The following QTMAN variants were observed in gnomAD, a reference collection of about 807,000 sequenced individuals.
The protein encoded by QTMAN is queuosine-tRNA mannosyltransferase.
chr2:144,216,487 G>A, the QTMAN span, among the ~76,000 whole-genome samples: 62 of 152,222 alleles, frequency 4.1e-4, no homozygotes, highest in African/African-American at 1.4e-3. Context: ...CTTAACACAG[G>A]TTCTCAGCAA....
the QTMAN span, chr2:143,939,039 G>A: frequency 6.6e-6 from 1 of 152,202 alleles, no homozygotes; most frequent in African/African-American, 2.4e-5. Flanking sequence ...AATCACATAA[G>A]CTTTACATCC....
At chr2:143,996,837 A>G in the QTMAN span, among the ~76,000 whole-genome samples, 3 of 152,236 alleles carry the variant, frequency 2.0e-5, no homozygotes, top group East Asian at 1.9e-4. Context: ...AGAGTTGCAC[A>G]TTTCTTTTGG....
chr2:143,980,213 T>C, the QTMAN span, among the ~76,000 whole-genome samples: 1 of 151,768 alleles, frequency 6.6e-6, no homozygotes, highest in Non-Finnish European at 1.5e-5. Flanking sequence ...CAGGCCCCAG[T>C]GTGTGTTGTT....
chr2:144,196,774 A>G, the QTMAN span, among the ~76,000 whole-genome samples: 1 of 152,208 alleles, frequency 6.6e-6, no homozygotes, highest in African/African-American at 2.4e-5. Flanking sequence ...TCTGAACTAT[A>G]TATCAAGTAT....
the QTMAN span, chr2:144,208,461 T>G: frequency 1.5e-6 from 1 of 683,432 alleles, no homozygotes; most frequent in South Asian, 2.0e-5. Flanking sequence ...ACTGCTCTGC[T>G]CTCTCTAAAG....
the QTMAN span, among the ~76,000 whole-genome samples, chr2:143,994,710 A>C: frequency 6.6e-6 from 1 of 152,338 alleles, no homozygotes; most frequent in Non-Finnish European, 1.5e-5. Context: ...GAAAGCAAGT[A>C]GATTAGTGGT....
chr2:144,103,705 T>G, the QTMAN span, among the ~76,000 whole-genome samples: 1 of 152,134 alleles, frequency 6.6e-6, no homozygotes, highest in African/African-American at 2.4e-5. Flanking sequence ...GTAGAAACAA[T>G]TTAGAAATGG....
At chr2:143,965,499 G>A in the QTMAN span, among the ~76,000 whole-genome samples, 1 of 152,112 alleles carries the variant, frequency 6.6e-6, no homozygotes, top group Non-Finnish European at 1.5e-5. Flanking sequence ...GGATGAACAT[G>A]AATTAACTTA....
At chr2:144,214,083 T>C in the QTMAN span, among the ~76,000 whole-genome samples, 1 of 152,080 alleles carries the variant, frequency 6.6e-6, no homozygotes, top group African/African-American at 2.4e-5. Context: ...ATAGTAAAAA[T>C]AAGCATGAAA....
At chr2:144,169,777 C>G in the QTMAN span, among the ~76,000 whole-genome samples, 2 of 151,994 alleles carry the variant, frequency 1.3e-5, no homozygotes, top group African/African-American at 2.4e-5. Context: ...AGATTATATA[C>G]AATATCTACT....
chr2:144,068,674 T>C, the QTMAN span, among the ~76,000 whole-genome samples: 1 of 152,186 alleles, frequency 6.6e-6, no homozygotes, highest in African/African-American at 2.4e-5. Context: ...TGGATTGTGA[T>C]GTTTATAGGG....
At chr2:144,179,306 C>G in the QTMAN span, among the ~76,000 whole-genome samples, 5 of 152,118 alleles carry the variant, frequency 3.3e-5, no homozygotes, top group Admixed American at 3.3e-4. Context: ...AAACTTTGCA[C>G]AAATAACTTA....
At chr2:144,324,222 A>C in the QTMAN span, among the ~76,000 whole-genome samples, 290 of 152,324 alleles carry the variant, frequency 1.9e-3, 1 homozygote, top group African/African-American at 6.5e-3. Context: ...TTTGTATATA[A>C]ATAAACTGAT....
At chr2:144,044,009 T>C in the QTMAN span, among the ~76,000 whole-genome samples, 1 of 152,190 alleles carries the variant, frequency 6.6e-6, no homozygotes, top group Non-Finnish European at 1.5e-5. Context: ...TCCCTCCTTT[T>C]TGGCTACTTA....
chr2:144,029,001 A>G, the QTMAN span, among the ~76,000 whole-genome samples: 2 of 152,176 alleles, frequency 1.3e-5, no homozygotes, highest in Non-Finnish European at 2.9e-5. Context: ...TTTAGAATCA[A>G]ATTGCCTTGG....
the QTMAN span, among the ~76,000 whole-genome samples, chr2:144,245,551 G>T: frequency 6.6e-6 from 1 of 152,170 alleles, no homozygotes; most frequent in Non-Finnish European, 1.5e-5. Flanking sequence ...GCTAGGAAAT[G>T]ACAATATAAG....
chr2:144,047,303 G>A, the QTMAN span, among the ~76,000 whole-genome samples: 1 of 151,864 alleles, frequency 6.6e-6, no homozygotes. Context: ...AAGACTATTC[G>A]CCATTTGTGA....
chr2:144,110,553 A>C, the QTMAN span, among the ~76,000 whole-genome samples: 1 of 151,992 alleles, frequency 6.6e-6, no homozygotes, highest in Admixed American at 6.6e-5. Flanking sequence ...AAAATAAAAA[A>C]TAAATAAATA....
At chr2:144,030,094 GGAA>G in the QTMAN span, among the ~76,000 whole-genome samples, 12 of 152,266 alleles carry the variant, frequency 7.9e-5, 1 homozygote, top group African/African-American at 2.9e-4. Context: ...AGGAACACAC[GGAA>G]GACAGTGTTT....
Sources: gnomAD v4.1 joint callset for allele counts (sites outside exome capture counted in the v4.1 genomes callset) on GRCh38, gnomAD v4.1.1 for gene constraint, MANE v1.5 for transcripts, NCBI Gene and HGNC (gene_info 2026-07-23, HGNC 2026-07-21) for gene names.